SP100: variants seen among roughly 807,000 people sequenced by gnomAD.
SP100 encodes SP100 nuclear body protein.
A neutral mutation model predicts 130.0 loss-of-function variants in SP100; 84 were observed. That is an observed-to-expected ratio of 0.65 (90% CI 0.54 to 0.77). SP100 has a LOEUF of 0.77. Among genes scored for constraint, SP100 ranks in the 30% least tolerant of loss-of-function variants. The pLI, the probability that SP100 is intolerant of heterozygous loss-of-function variation, is 0.00. For synonymous variants in SP100, 331 were observed against 351.7 expected (o/e 0.94, Z 0.66); for missense variants, 978 against 1,052.2 (o/e 0.93, Z 0.97).
intron 24 of SP100, among the ~76,000 whole-genome samples, chr2:230,536,872 A>G (rs1010419509): frequency 1.7e-4 from 26 of 152,320 alleles, no homozygotes; most frequent in Non-Finnish European, 2.5e-4. Context: ...GTCTAAACAA[A>G]GTCACATTTT....
At chr2:230,493,151 A>G (rs577901489) in intron 17 of SP100, among the ~76,000 whole-genome samples, 1 of 152,168 alleles carries the variant, frequency 6.6e-6, no homozygotes, top group Non-Finnish European at 1.5e-5. Flanking sequence ...TTATTCTATT[A>G]TTTTGATTTT....
Position 230,449,568 on chromosome 2 carries a change from C to A in SP100, c.594C>A (p.Thr198=). ...AATCAAACCATGGTTTAGGTACAAC[C>A]CCACCTGAAAATGGACTCTCAGAGC... ...PSGSPSHAGT[T]PPENGLSEHP... Residue 198 remains threonine (T), a synonymous_variant, in exon 7 of 29, where the codon ACC becomes ACA. Coordinates refer to ENST00000340126, the MANE Select transcript of SP100 (RefSeq NM_001080391.2). The A allele has an allele frequency of 6.2e-7, 1 of 1,613,932 alleles. No homozygotes were observed. The highest frequency in any genetic ancestry group is 8.5e-7 in the Non-Finnish European group (1 of 1,179,946).
intron 8 of SP100, among the ~76,000 whole-genome samples, chr2:230,452,691 G>A (rs2064057268): frequency 6.6e-6 from 1 of 151,914 alleles, no homozygotes; most frequent in Non-Finnish European, 1.5e-5. Context: ...TGCAGTTATT[G>A]TAAATTGGAT....
chr2:230,419,813 G>T (rs1400057169), intron 2 of SP100, among the ~76,000 whole-genome samples: 1 of 152,180 alleles, frequency 6.6e-6, no homozygotes, highest in African/African-American at 2.4e-5. Context: ...GTTCTTGGAA[G>T]CATCCCCTGT....
chr2:230,524,356 C>A (rs1464542358), intron 24 of SP100, among the ~76,000 whole-genome samples: 1,011 of 94,126 alleles, frequency 0.011, no homozygotes, highest in African/African-American at 0.013. Context: ...GATTCCATCT[C>A]AAAAAAAAAA....
At chr2:230,511,216 C>A in intron 24 of SP100, 50 bp downstream of exon 24, 1 of 1,227,890 alleles carries the variant, frequency 8.1e-7, no homozygotes, top group Non-Finnish European at 1.2e-6. Context: ...GGCCTTTCTC[C>A]AGGCACACTA....
chr2:230,426,196 C>A (rs747920993), intron 2 of SP100, among the ~76,000 whole-genome samples: 1 of 152,054 alleles, frequency 6.6e-6, no homozygotes, highest in African/African-American at 2.4e-5. Context: ...TTTCAAAGAA[C>A]AAGTTCTGAG....
Position 230,470,001 on chromosome 2 carries a change from A to AT in SP100, c.1346-7dup. 1 of 1,608,136 alleles carries AT rather than the reference A, an allele frequency of 6.2e-7. No individual in the cohort carries two copies. The highest frequency in any genetic ancestry group is 8.5e-7 in the Non-Finnish European group (1 of 1,176,882). The stretch of plus-strand genomic sequence containing the variant: ...CAGACTAAGACTGTTAAGGAATTTT[A>AT]TTTTTTTCTGCAGGTTTCAGCAGTA... On this transcript the variant is annotated splice_polypyrimidine_tract_variant and intron_variant, in intron 14 of 28. Coordinates refer to ENST00000340126, the MANE Select transcript of SP100 (RefSeq NM_001080391.2).
At chr2:230,488,568 C>A (rs1003043532) in intron 17 of SP100, among the ~76,000 whole-genome samples, 1 of 152,146 alleles carries the variant, frequency 6.6e-6, no homozygotes, top group Admixed American at 6.5e-5. Flanking sequence ...CACCCGCCAC[C>A]ATGCCTGGCT....
intron 4 of SP100, among the ~76,000 whole-genome samples, chr2:230,445,224 A>C (rs1364710947): frequency 2.0e-5 from 3 of 152,154 alleles, no homozygotes; most frequent in Non-Finnish European, 4.4e-5. Flanking sequence ...AATTTTTTTT[A>C]CTTGCCTGGA....
At chr2:230,452,180 ATTTTT>A (rs554361852) in intron 8 of SP100, among the ~76,000 whole-genome samples, 1 of 145,172 alleles carries the variant, frequency 6.9e-6, no homozygotes, top group African/African-American at 2.5e-5. Flanking sequence ...TGCCATTTGA[ATTTTT>A]TTTTTTTTTG....
intron 1 of SP100, 127 bp from the exon 2 acceptor site, chr2:230,417,464 G>C: frequency 8.4e-7 from 1 of 1,195,990 alleles, no homozygotes; most frequent in Non-Finnish European, 1.1e-6. Flanking sequence ...TCATAACAAT[G>C]ATTATATATT....
chr2:230,523,087 C>G (rs1398853234), intron 24 of SP100, among the ~76,000 whole-genome samples: 1 of 152,012 alleles, frequency 6.6e-6, no homozygotes, highest in African/African-American at 2.4e-5. Flanking sequence ...AATGCTGGCC[C>G]CAGTGTTCTT....
intron 24 of SP100, chr2:230,515,669 C>A: frequency 6.3e-7 from 1 of 1,578,730 alleles, no homozygotes; most frequent in South Asian, 1.2e-5. Context: ...TTTTTCTTGT[C>A]TATAAAGCAT....
Position 230,498,448 on chromosome 2 carries a change from C to T in SP100, c.1646-13C>T, listed in dbSNP as rs766712774. 1 of 1,454,914 alleles carries T rather than the reference C, an allele frequency of 6.9e-7. No individual in the cohort carries two copies. Among genetic ancestry groups the T allele is most frequent in the Non-Finnish European group, 9.2e-7 (1 of 1,088,348 alleles). 90.1% of individuals were successfully genotyped at this position (1,454,914 alleles called of 1,614,324 possible). A position where few individuals can be genotyped will look rare whatever the true frequency, so the allele number is the denominator to read the frequency against. On this transcript the variant is annotated splice_polypyrimidine_tract_variant and intron_variant, in intron 18 of 28. Coordinates refer to ENST00000340126, the MANE Select transcript of SP100 (RefSeq NM_001080391.2). ...TTTACACCATCCATATTTATATTTT[C>T]CTATTTTCTCAGGGAGAAAGAAAGA... is the stretch of plus-strand genomic sequence containing the variant.
intron 17 of SP100, among the ~76,000 whole-genome samples, chr2:230,491,992 T>C (rs6750554): frequency 0.39 from 59,555 of 152,056 alleles, 13,073 homozygotes; most frequent in South Asian, 0.57. Flanking sequence ...AGGTTTGCTT[T>C]TTTGTTCTAG....
At chr2:230,419,291 G>T (rs1417492603) in intron 2 of SP100, among the ~76,000 whole-genome samples, 1 of 152,208 alleles carries the variant, frequency 6.6e-6, no homozygotes, top group Non-Finnish European at 1.5e-5. Context: ...GGCGTTCTGA[G>T]GAGTGTGATG....
intron 8 of SP100, among the ~76,000 whole-genome samples, chr2:230,454,984 A>G (rs1385476094): frequency 6.6e-6 from 1 of 152,172 alleles, no homozygotes. Flanking sequence ...ATATGTTTAC[A>G]ATTGTTATAT....
intron 3 of SP100, among the ~76,000 whole-genome samples, chr2:230,443,615 T>G (rs1373824247): frequency 1.3e-5 from 2 of 152,152 alleles, no homozygotes; most frequent in South Asian, 2.1e-4. Flanking sequence ...TCCAACACAT[T>G]TGTTTTCTTT....
Sources: allele counts gnomAD v4.1 joint callset (sites outside exome capture counted in the v4.1 genomes callset), GRCh38; gene constraint gnomAD v4.1.1; transcripts MANE v1.5; gene names NCBI Gene and HGNC (gene_info 2026-07-23, HGNC 2026-07-21).